The following CSMD1 variants were observed in gnomAD, a reference collection of about 807,000 sequenced individuals.
CSMD1 encodes CUB and Sushi multiple domains 1, also known as CUB and sushi domain-containing protein 1.
A neutral mutation model predicts 417.5 loss-of-function variants in CSMD1; 213 were observed. The observed-to-expected ratio is 0.51, with a 90% CI of 0.46 to 0.57. CSMD1 has a LOEUF of 0.57. Ranked by LOEUF, CSMD1 falls within the 20% of genes least tolerant of loss-of-function variation. The pLI is 0.00. For missense variants in CSMD1, 6,923 were observed against 4,529.7 expected (o/e 1.53, Z -15.17); for synonymous variants, 2,862 against 1,736.8 (o/e 1.65, Z -16.11).
chr8:3,709,422 A>C (rs1801368641), intron 6 of CSMD1, among the ~76,000 whole-genome samples: 1 of 152,190 alleles, frequency 6.6e-6, no homozygotes, highest in Non-Finnish European at 1.5e-5. Context: ...AATAGCTGTG[A>C]GGGTTAGTTT....
intron 2 of CSMD1, among the ~76,000 whole-genome samples, chr8:4,471,070 T>G (rs1476501887): frequency 6.6e-6 from 1 of 152,236 alleles, no homozygotes; most frequent in Non-Finnish European, 1.5e-5. Context: ...AATAAATCAG[T>G]TAAAATCTTT....
intron 2 of CSMD1, among the ~76,000 whole-genome samples, chr8:4,434,619 A>G (rs1798049057): frequency 6.6e-6 from 1 of 152,176 alleles, no homozygotes; most frequent in African/African-American, 2.4e-5. Context: ...ATTTCCACCC[A>G]ATTAAAGACA....
chr8:3,080,985 A>C (rs1014359267), intron 49 of CSMD1, among the ~76,000 whole-genome samples: 1 of 152,230 alleles, frequency 6.6e-6, no homozygotes, highest in Admixed American at 6.5e-5. Flanking sequence ...ATTCTAAATA[A>C]TCTTTAAAAG....
intron 3 of CSMD1, among the ~76,000 whole-genome samples, chr8:4,340,245 A>G (rs959362551): frequency 5.3e-5 from 8 of 151,680 alleles, no homozygotes; most frequent in Non-Finnish European, 8.8e-5. Flanking sequence ...TTTTCCTCTC[A>G]CTGAAGCCTG....
intron 7 of CSMD1, among the ~76,000 whole-genome samples, chr8:3,629,767 A>C (rs1230019551): frequency 6.6e-6 from 1 of 152,208 alleles, no homozygotes; most frequent in Non-Finnish European, 1.5e-5. Context: ...CTTTCATTTC[A>C]AAAAGACAGA....
chr8:3,878,111 C>T (rs1376076911), intron 5 of CSMD1, among the ~76,000 whole-genome samples: 1 of 152,064 alleles, frequency 6.6e-6, no homozygotes, highest in African/African-American at 2.4e-5. Context: ...GTCTTCCTTC[C>T]TCCTTCCCTG....
chr8:3,979,314 G>T (rs1279256310), intron 5 of CSMD1, among the ~76,000 whole-genome samples: 1 of 152,186 alleles, frequency 6.6e-6, no homozygotes, highest in African/African-American at 2.4e-5. Flanking sequence ...ACAGAGGTGT[G>T]AATCAGGTAT....
At chr8:4,588,818 A>T (rs552590461) in intron 2 of CSMD1, among the ~76,000 whole-genome samples, 1 of 151,458 alleles carries the variant, frequency 6.6e-6, no homozygotes, top group Admixed American at 6.6e-5. Flanking sequence ...AAGAAACTCT[A>T]CTCTGTGCTT....
chr8:4,165,968 A>G (rs899585558), intron 3 of CSMD1, among the ~76,000 whole-genome samples: 1 of 152,240 alleles, frequency 6.6e-6, no homozygotes, highest in African/African-American at 2.4e-5. Context: ...CACTGTAAGT[A>G]ATAACAATTG....
At chr8:4,104,269 ATCTTT>A (rs761812183) in intron 3 of CSMD1, among the ~76,000 whole-genome samples, 5 of 152,230 alleles carry the variant, frequency 3.3e-5, no homozygotes, top group Admixed American at 1.3e-4. Context: ...ATCTCACTCC[ATCTTT>A]TCTTTTGAGT....
intron 10 of CSMD1, among the ~76,000 whole-genome samples, chr8:3,551,516 T>C (rs1249727566): frequency 6.6e-6 from 1 of 151,250 alleles, no homozygotes; most frequent in Non-Finnish European, 1.5e-5. Flanking sequence ...ACCCTTTACG[T>C]CCCTAACCAC....
intron 22 of CSMD1, among the ~76,000 whole-genome samples, chr8:3,347,707 A>G (rs921776322): frequency 1.3e-5 from 2 of 152,198 alleles, no homozygotes; most frequent in African/African-American, 4.8e-5. Context: ...TTTGTTACAC[A>G]TAAGGAAGCT....
intron 1 of CSMD1, among the ~76,000 whole-genome samples, chr8:4,869,571 T>C (rs1172557215): frequency 2.0e-5 from 3 of 152,052 alleles, no homozygotes; most frequent in Non-Finnish European, 4.4e-5. Context: ...GAAAAGCCTA[T>C]TTTGTGTTAA....
intron 18 of CSMD1, among the ~76,000 whole-genome samples, chr8:3,379,563 G>C (rs189009469): frequency 6.6e-6 from 1 of 152,098 alleles, no homozygotes; most frequent in Non-Finnish European, 1.5e-5. Flanking sequence ...TAGACCAATG[G>C]AACAGAACAG....
chr8:3,925,329 A>G (rs1233856249), intron 5 of CSMD1, among the ~76,000 whole-genome samples: 1 of 152,246 alleles, frequency 6.6e-6, no homozygotes, highest in African/African-American at 2.4e-5. Context: ...GTGCATTTAT[A>G]TATTATATGC....
At chr8:3,052,740 C>G in intron 49 of CSMD1, 93 bp from the exon 50 acceptor site, 1 of 845,066 alleles carries the variant, frequency 1.2e-6, no homozygotes, top group Non-Finnish European at 1.7e-6. Flanking sequence ...ATTATTGACT[C>G]CATTTTTCAT....
intron 6 of CSMD1, among the ~76,000 whole-genome samples, chr8:3,722,100 T>G (rs922483722): frequency 7.9e-5 from 12 of 152,060 alleles, no homozygotes; most frequent in African/African-American, 2.9e-4. Flanking sequence ...CTCAGCACTT[T>G]GGGAGGCCGA....
chr8:3,037,152 T>C (rs1308458967), intron 50 of CSMD1, among the ~76,000 whole-genome samples: 3 of 152,202 alleles, frequency 2.0e-5, no homozygotes, highest in African/African-American at 7.2e-5. Flanking sequence ...CAAGACATTA[T>C]TTCATTCCTT....
chr8:4,739,566 T>C (rs1810464988), intron 1 of CSMD1, among the ~76,000 whole-genome samples: 1 of 152,176 alleles, frequency 6.6e-6, no homozygotes, highest in South Asian at 2.1e-4. Flanking sequence ...AGAAGATCTT[T>C]TGACTCTAAA....
Sources: gnomAD v4.1 joint callset for allele counts (sites outside exome capture counted in the v4.1 genomes callset) on GRCh38, gnomAD v4.1.1 for gene constraint, MANE v1.5 for transcripts, NCBI Gene and HGNC (gene_info 2026-07-23, HGNC 2026-07-21) for gene names.